Variants in CCDC81 observed in about 807,000 individuals in gnomAD.
CCDC81 encodes coiled-coil domain containing 81, also known as coiled-coil domain-containing protein 81.
A neutral mutation model predicts 83.7 loss-of-function variants in CCDC81; 79 were observed. The ratio of observed to expected loss-of-function variants is 0.94; its 90% CI spans 0.79 to 1.14. The LOEUF (loss-of-function observed/expected upper bound fraction) is 1.14. Ranked by LOEUF, CCDC81 falls within the 50% of genes most tolerant of loss-of-function variation. CCDC81 has a pLI of 0.00. For synonymous variants in CCDC81, 252 were observed against 278.1 expected, an observed-to-expected ratio of 0.91 and a Z score of 0.93; for missense variants, 791 against 778.1, an observed-to-expected ratio of 1.02 and a Z score of -0.20.
chr11:86,409,267 A>G lies in CCDC81; in HGVS notation c.1120A>G (p.Ser374Gly), dbSNP rs1948604809. ...TTTTTTTTTTAAACAATAGATGAAAAGTCTGGCTACTAGAGAACAGAATCA... is the reference window on the plus strand; with the variant it reads ...TTTTTTTTTTAAACAATAGATGAAAGGTCTGGCTACTAGAGAACAGAATCA... Reference protein sequence around the residue: ...QEALFRHQMKSLATREQNQKN... With the variant: ...QEALFRHQMKGLATREQNQKN... The change falls in exon 10 of 15, where the codon AGT (serine) becomes GGT (glycine). Residue 374 changes from serine (S) to glycine (G), a missense_variant. Ser to Gly is a moderately conservative substitution (Grantham distance 56). Coordinates refer to ENST00000445632, the MANE Select transcript of CCDC81 (RefSeq NM_001156474.2). 1 of 1,416,368 alleles carries G rather than the reference A, an allele frequency of 7.1e-7. No individual in the cohort carries two copies. Among genetic ancestry groups the G allele is most frequent in the African/African-American group, 1.5e-5 (1 of 67,302 alleles). 87.7% of individuals were successfully genotyped at this position (1,416,368 alleles called of 1,614,324 possible).
rs560965042 is a variant in CCDC81, at chr11:86,400,130, CAAA to C, written c.758-532_758-530del. On this transcript the variant is annotated intron_variant, in intron 6 of 14. Transcript: ENST00000445632. ...TGGGCGACAGAGTCAGACTCCATCT[CAAA>C]AAAAAAAAAAAAAAAGAAAAAGACT... Among the ~76,000 whole-genome samples, 33 of 106,488 alleles carry C rather than the reference CAAA, an allele frequency of 3.1e-4. 1 individual carries two copies. Among genetic ancestry groups the C allele is most frequent in the African/African-American group, 7.6e-4 (24 of 31,488 alleles). 69.9% of individuals were successfully genotyped at this position (106,488 alleles called of 152,430 possible).
Position 86,412,400 on chromosome 11 carries a change from T to C in CCDC81, c.1232T>C (p.Phe411Ser). 6.3e-7 allele frequency: 1 copy of C among 1,590,876 alleles called. No homozygotes were observed. The highest frequency in any genetic ancestry group is 8.5e-7 in the Non-Finnish European group (1 of 1,172,414). ...CTTTCATTCTAGAAATCCTTCCTAT[T>C]TGACAAACGGCCACTCAGTCCTGCG... is the stretch of plus-strand genomic sequence containing the variant. ...EKPEFYKSFL[F>S]DKRPLSPALN... Residue 411 changes from phenylalanine (F) to serine (S), a missense_variant, in exon 11 of 15, where the codon TTT (phenylalanine) becomes TCT (serine). By Grantham distance (155) the Phe-to-Ser change is radical. Transcript: ENST00000445632.
intron 3 of CCDC81, among the ~76,000 whole-genome samples, chr11:86,389,389 A>G (rs1948292422): frequency 6.6e-6 from 1 of 152,210 alleles, no homozygotes; most frequent in Non-Finnish European, 1.5e-5. Flanking sequence ...ACACTGTTAT[A>G]AATAACTAGC....
intron 13 of CCDC81, among the ~76,000 whole-genome samples, chr11:86,417,399 C>T (rs2138542780): frequency 6.6e-6 from 1 of 151,746 alleles, no homozygotes; most frequent in Non-Finnish European, 1.5e-5. Flanking sequence ...AACAATTTTT[C>T]CTTTTTAAGC....
chr11:86,390,118 A>T (rs1948304696), intron 3 of CCDC81, among the ~76,000 whole-genome samples: 1 of 152,146 alleles, frequency 6.6e-6, no homozygotes, highest in South Asian at 2.1e-4. Flanking sequence ...AAAAAAGAAA[A>T]AAAATATGAT....
At chr11:86,407,084 A>C (rs1321890987) in intron 7 of CCDC81, among the ~76,000 whole-genome samples, 1 of 152,144 alleles carries the variant, frequency 6.6e-6, no homozygotes, top group Non-Finnish European at 1.5e-5. Flanking sequence ...TTCCTTGGTA[A>C]GAACTTCCCT....
intron 7 of CCDC81, among the ~76,000 whole-genome samples, chr11:86,403,410 C>G (rs1948520891): frequency 1.3e-5 from 2 of 151,744 alleles, no homozygotes. Flanking sequence ...TATATCTTTT[C>G]TGATTTACCA....
intron 6 of CCDC81, among the ~76,000 whole-genome samples, chr11:86,399,477 G>A (rs191418784): frequency 6.6e-6 from 1 of 152,092 alleles, no homozygotes; most frequent in East Asian, 1.9e-4. Context: ...CACCATGCCT[G>A]GCTAATTTTT....
At chr11:86,407,796 T>C in intron 8 of CCDC81, 95 bp downstream of exon 8, 1 of 931,458 alleles carries the variant, frequency 1.1e-6, no homozygotes, top group South Asian at 1.5e-5. Flanking sequence ...CTTAATTATA[T>C]GAGTATGGCT....
In CCDC81 at chr11:86,375,055, G is replaced by T; in HGVS notation, c.-109G>T. The T allele has an allele frequency of 2.1e-6, 2 of 934,832 alleles. No individual in the cohort carries two copies. The highest frequency in any genetic ancestry group is 1.8e-6 in the Non-Finnish European group (1 of 566,288). 57.9% of individuals were successfully genotyped at this position (934,832 alleles called of 1,614,324 possible). ...CTCTTATTTTTAAGGCACATCCAAAGCTCCGTGGAGAAGGGGCTGGAGGGT... is the reference window on the plus strand; with the variant it reads ...CTCTTATTTTTAAGGCACATCCAAATCTCCGTGGAGAAGGGGCTGGAGGGT... On this transcript the variant is annotated 5_prime_UTR_variant, in exon 1 of 15. Coordinates refer to ENST00000445632, the MANE Select transcript of CCDC81 (RefSeq NM_001156474.2).
rs575473895 is a variant in CCDC81 at position 86,417,620 on chromosome 11, CTT to C, written c.1692-2306_1692-2305del. 4.6e-5 allele frequency among the ~76,000 whole-genome samples: 7 copies of C among 152,110 alleles called. No homozygotes were observed. In the South Asian group the frequency reaches 6.2e-4, roughly 13 times the overall value. ...CTTTTGCATTATTGATGAACATTCA[CTT>C]TGTTTCCAGATATTTTGTATTAAAC... On this transcript the variant is annotated intron_variant, in intron 13 of 14. Transcript: ENST00000445632.
At position 86,397,687 on chromosome 11, in the gene CCDC81, T is replaced by A; in HGVS notation, c.702T>A (p.Asn234Lys). The change falls in exon 6 of 15, where the codon AAT becomes AAA. Residue 234 changes from asparagine to lysine, a missense_variant. Asn to Lys is a moderately conservative substitution (Grantham distance 94, BLOSUM62 0). Coordinates refer to ENST00000445632, the MANE Select transcript of CCDC81 (RefSeq NM_001156474.2). The part of the protein sequence containing the change: ...METLVEECGE[N>K]RERKCKLKDQ... The stretch of plus-strand genomic sequence containing the variant: ...CCCTTGTAGAAGAATGTGGAGAGAA[T>A]AGAGAAAGGAAGTGCAAGTTAAAAG... The A allele has an allele frequency of 1.9e-6, 3 of 1,613,534 alleles. No individual in the cohort carries two copies. Among genetic ancestry groups the A allele is most frequent in the Non-Finnish European group, 2.5e-6 (3 of 1,179,828 alleles).
At chr11:86,386,987 A>G (rs1300361830) in intron 2 of CCDC81, among the ~76,000 whole-genome samples, 1 of 152,126 alleles carries the variant, frequency 6.6e-6, no homozygotes, top group East Asian at 1.9e-4. Flanking sequence ...TTCTTGATGA[A>G]TGATATCTCC....
intron 3 of CCDC81, among the ~76,000 whole-genome samples, chr11:86,391,769 G>T (rs1387798413): frequency 6.6e-6 from 1 of 152,130 alleles, no homozygotes; most frequent in African/African-American, 2.4e-5. Context: ...GTTCATTCTT[G>T]CATTGCTATA....
chr11:86,420,404 C>T (rs530380813), intron 14 of CCDC81, among the ~76,000 whole-genome samples: 20 of 152,130 alleles, frequency 1.3e-4, no homozygotes, highest in African/African-American at 4.3e-4. Context: ...CTTAGAGAAT[C>T]GTTATTTAAG....
At chr11:86,377,048 C>A (rs1948107639) in intron 1 of CCDC81, among the ~76,000 whole-genome samples, 1 of 152,234 alleles carries the variant, frequency 6.6e-6, no homozygotes, top group Middle Eastern at 3.4e-3. Context: ...ATAGTTTAAG[C>A]CTTTTCAGAT....
chr11:86,394,870 A>T (rs370390737), intron 4 of CCDC81, among the ~76,000 whole-genome samples: 49 of 152,318 alleles, frequency 3.2e-4, no homozygotes, highest in African/African-American at 1.2e-3. Context: ...TCCTTTTATT[A>T]TCCCCAGAAA....
At chr11:86,420,204 T>C in intron 14 of CCDC81, 151 bp downstream of exon 14, 2 of 884,862 alleles carry the variant, frequency 2.3e-6, no homozygotes, top group Non-Finnish European at 3.4e-6. Context: ...CCGTGATTGA[T>C]TAGAAATGTC....
chr11:86,421,372 C>T (rs142659209), intron 14 of CCDC81, among the ~76,000 whole-genome samples: 2,465 of 151,996 alleles, frequency 0.016, 57 homozygotes, highest in African/African-American at 0.054. Flanking sequence ...TGCAGTGGCG[C>T]GATCTCGGCT....
Sources: allele counts gnomAD v4.1 joint callset (sites outside exome capture counted in the v4.1 genomes callset), GRCh38; gene constraint gnomAD v4.1.1; transcripts MANE v1.5; gene names NCBI Gene and HGNC (gene_info 2026-07-23, HGNC 2026-07-21).